The following CFAP47 variants were observed in gnomAD, a reference collection of about 807,000 sequenced individuals.
CFAP47 encodes the protein cilia- and flagella-associated protein 47.
A neutral mutation model predicts 148.1 loss-of-function variants in CFAP47; 29 were observed. That is an observed-to-expected ratio of 0.20 (90% confidence interval 0.15 to 0.27). CFAP47 has a LOEUF of 0.27. Among genes scored for constraint, CFAP47 ranks in the 10% least tolerant of loss-of-function variants. The pLI, the probability that CFAP47 is intolerant of heterozygous loss-of-function variation, is 1.00. For synonymous variants in CFAP47, 664 were observed against 577.3 expected (o/e 1.15, Z -2.15); for missense variants, 1,872 against 1,697.5 (o/e 1.10, Z -1.81).
chrX:36,152,899 G>C (rs775328948), intron 37 of CFAP47, among the ~76,000 whole-genome samples: 1 of 111,005 alleles, frequency 9.0e-6, no homozygotes, highest in Non-Finnish European at 1.9e-5. Context: ...CAAACATTTA[G>C]ACCTTAGCTT....
At chrX:36,149,334 G>A (rs1278264306) in intron 37 of CFAP47, 111 bp downstream of exon 37, 3 of 268,873 alleles carry the variant, frequency 1.1e-5, no homozygotes, top group South Asian at 2.5e-4. Context: ...TTAATGAAAC[G>A]ATTGTCACTC....
At position 36,295,143 on chromosome X, in the gene CFAP47, C is replaced by A. The variant is rs782333662; in HGVS notation, c.7687-3834C>A. On this transcript the variant is annotated intron_variant, in intron 51 of 63. Coordinates refer to ENST00000378653, the MANE Select transcript of CFAP47 (RefSeq NM_001304548.2). The stretch of plus-strand genomic sequence containing the variant: ...AAAATAATGCTTTCCATCATTAAAC[C>A]GAAAAGAGCGCATGTGAAGATGAAA... Among the ~76,000 whole-genome samples the A allele has an allele frequency of 1.5e-3, 172 of 111,606 alleles. 1 individual carries two copies. The highest frequency in any genetic ancestry group is 5.2e-3 in the African/African-American group (160 of 30,781).
rs190202829 is a variant in CFAP47 at position 36,222,546 on chromosome X, A to G, written c.6818-6082A>G. ...ATTTTAAATTATTTTATTGAATATT[A>G]TAATAAATATAACAATTTAAGCAGT... On this transcript the variant is annotated intron_variant, in intron 45 of 63. Coordinates refer to ENST00000378653, the MANE Select transcript of CFAP47 (RefSeq NM_001304548.2). Among the ~76,000 whole-genome samples, 146 of 110,508 alleles carry G rather than the reference A, an allele frequency of 1.3e-3. 2 individuals carry two copies. The highest frequency in any genetic ancestry group is 1.4e-3 in the East Asian group (5 of 3,526).
At chrX:36,092,356 T>A (rs1938200258) in intron 30 of CFAP47, among the ~76,000 whole-genome samples, 1 of 111,348 alleles carries the variant, frequency 9.0e-6, no homozygotes, top group South Asian at 3.7e-4. Context: ...ACTAGTGATC[T>A]CTCTGTTAGA....
chrX:36,312,099 G>T (rs1941398311), intron 56 of CFAP47, among the ~76,000 whole-genome samples: 2 of 110,651 alleles, frequency 1.8e-5, no homozygotes, highest in South Asian at 7.5e-4. Context: ...GGAGAAGCCA[G>T]GGTTGAACAG....
intron 63 of CFAP47, among the ~76,000 whole-genome samples, chrX:36,384,382 G>T (rs895953674): frequency 4.5e-5 from 5 of 111,561 alleles, no homozygotes; most frequent in African/African-American, 1.6e-4. Flanking sequence ...AGTTATACAT[G>T]CTATGTACTT....
At chrX:35,992,184 G>C (rs766622136) in intron 17 of CFAP47, among the ~76,000 whole-genome samples, 1 of 109,891 alleles carries the variant, frequency 9.1e-6, no homozygotes, top group South Asian at 3.9e-4. Context: ...TGGTTTTATT[G>C]AAAAAATAGA....
In CFAP47 at chrX:36,190,213, G is replaced by A. The variant is rs989912649; in HGVS notation, c.6321+17G>A. On this transcript the variant is annotated intron_variant, in intron 42 of 63. Coordinates refer to ENST00000378653, the MANE Select transcript of CFAP47 (RefSeq NM_001304548.2). ...AACAAAAAGGTGAGAACAGAATTGT[G>A]ATCTGTGTGTTTACACGAGCTGTCA... 2.7e-5 allele frequency: 8 copies of A among 295,645 alleles called. No homozygotes were observed. Among genetic ancestry groups the A allele is most frequent in the Non-Finnish European group, 4.1e-5 (7 of 169,423 alleles). 24.4% of individuals were successfully genotyped at this position (295,645 alleles called of 1,213,427 possible).
At chrX:36,091,797 A>T (rs181498230) in intron 30 of CFAP47, among the ~76,000 whole-genome samples, 1 of 111,433 alleles carries the variant, frequency 9.0e-6, no homozygotes, top group Non-Finnish European at 1.9e-5. Flanking sequence ...TCAAGGTTTG[A>T]GTTTTCAGAA....
chrX:35,925,227 A>G (rs1368865449), intron 1 of CFAP47, among the ~76,000 whole-genome samples: 2 of 110,641 alleles, frequency 1.8e-5, no homozygotes, highest in African/African-American at 6.6e-5. Context: ...ACAAAAAATT[A>G]GCTGGGCGTG....
intron 32 of CFAP47, among the ~76,000 whole-genome samples, chrX:36,102,693 C>G (rs1285517152): frequency 9.0e-6 from 1 of 111,438 alleles, no homozygotes; most frequent in African/African-American, 3.3e-5. Flanking sequence ...TCATTAGTCC[C>G]AAACATATAT....
intron 26 of CFAP47, among the ~76,000 whole-genome samples, chrX:36,050,861 G>GC (rs1238261646): frequency 1.8e-5 from 2 of 112,088 alleles, no homozygotes; most frequent in Non-Finnish European, 3.8e-5. Flanking sequence ...GCTGTGTGCA[G>GC]CCTAGGGATG....
intron 33 of CFAP47, among the ~76,000 whole-genome samples, chrX:36,133,711 C>G: frequency 9.2e-6 from 1 of 108,290 alleles, no homozygotes; most frequent in East Asian, 2.9e-4. Context: ...ATAGCAATAC[C>G]TTATAGAACA....
Position 36,194,250 on chromosome X carries a change from C to T in CFAP47, c.6321+4054C>T, listed in dbSNP as rs149736284. On this transcript the variant is annotated intron_variant, in intron 42 of 63. Coordinates refer to ENST00000378653, the MANE Select transcript of CFAP47 (RefSeq NM_001304548.2). ...GTGAACATATGCAAAATCCATGATC[C>T]CTGCACTCAAGGGACTCACATTCCA... Among the ~76,000 whole-genome samples the T allele has an allele frequency of 9.9e-3, 1,099 of 111,242 alleles. 10 individuals carry two copies. The highest frequency in any genetic ancestry group is 0.027 in the Middle Eastern group (6 of 219).
At chrX:36,322,451 A>T (rs2055400969) in intron 57 of CFAP47, among the ~76,000 whole-genome samples, 1 of 110,722 alleles carries the variant, frequency 9.0e-6, no homozygotes, top group African/African-American at 3.3e-5. Context: ...CTATTTTGAA[A>T]CACAGTATTT....
intron 45 of CFAP47, among the ~76,000 whole-genome samples, chrX:36,215,369 C>T (rs1555990060): frequency 9.0e-6 from 1 of 111,433 alleles, no homozygotes; most frequent in African/African-American, 3.3e-5. Context: ...GTGGCATTCT[C>T]TAGCTAAGAT....
chrX:36,119,589 A>G (rs1359000733), intron 33 of CFAP47, among the ~76,000 whole-genome samples: 4 of 111,520 alleles, frequency 3.6e-5, no homozygotes, highest in Admixed American at 2.9e-4. Flanking sequence ...TGAGTTTGGA[A>G]TTATTCCATC....
rs143015740 is a variant in CFAP47, at chrX:36,306,573, G to A, written c.8083-199G>A. 9.2e-3 allele frequency among the ~76,000 whole-genome samples: 1,024 copies of A among 110,812 alleles called. 11 individuals are homozygous for A. The highest frequency in any genetic ancestry group is 0.031 in the African/African-American group (961 of 30,512). ...ATTATCTTGGATAAGAACATGATGT[G>A]ATCACCCCCAAACACGGTTTAACAT... On this transcript the variant is annotated intron_variant, in intron 54 of 63. Coordinates refer to ENST00000378653, the MANE Select transcript of CFAP47 (RefSeq NM_001304548.2).
chrX:36,124,338 C>T (rs1328524360), intron 33 of CFAP47, among the ~76,000 whole-genome samples: 3 of 111,426 alleles, frequency 2.7e-5, no homozygotes, highest in Non-Finnish European at 5.7e-5. Flanking sequence ...AGCACTAGGA[C>T]TTGCCTGGGA....
Sources: allele counts gnomAD v4.1 joint callset (sites outside exome capture counted in the v4.1 genomes callset), GRCh38; gene constraint gnomAD v4.1.1; transcripts MANE v1.5; gene names NCBI Gene and HGNC (gene_info 2026-07-23, HGNC 2026-07-21).